Variants in ZNF219 observed in about 807,000 individuals in gnomAD.
ZNF219 encodes zinc finger protein 219.
ZNF219 carries 17 observed loss-of-function variants against 54.4 expected under a neutral mutation model. That is an observed-to-expected ratio of 0.31 (90% CI 0.21 to 0.47). The LOEUF (loss-of-function observed/expected upper bound fraction) is 0.47, where lower values mean the gene tolerates loss of function less well. Among genes scored for constraint, ZNF219 ranks in the 20% least tolerant of loss-of-function variants. The probability of loss-of-function intolerance (pLI) is 1.00; values close to 1 mark genes in which losing one functional copy is unlikely to be tolerated. For missense variants in ZNF219, 1,014 were observed against 1,062.3 expected (o/e 0.95, Z 0.63); for synonymous variants, 518 against 476.4 (o/e 1.09, Z -1.14).
At chr14:21,104,701 TTG>T (rs1889840799) in exon 1 of ZNF219, 1 of 152,252 alleles carries the variant, frequency 6.6e-6, no homozygotes, top group Admixed American at 6.5e-5. Context: ...TCTTTTCTGT[TTG>T]TGACACCTTG....
Position 21,090,667 on chromosome 14 carries a change from G to A in ZNF219, c.2038C>T (p.Gln680Ter). 1.2e-6 allele frequency: 2 copies of A among 1,612,276 alleles called. No homozygotes were observed. Among genetic ancestry groups the A allele is most frequent in the Non-Finnish European group, 1.7e-6 (2 of 1,179,766 alleles). Residue 680 changes from glutamine to a stop codon, truncating the protein, a stop_gained, in exon 5 of 5, where the codon CAG becomes TAG. Coordinates refer to ENST00000360947, the MANE Select transcript of ZNF219 (RefSeq NM_016423.3). LOFTEE classifies it high-confidence loss of function. The surrounding 1 kb of genome is among the most constrained non-coding windows in gnomAD (Gnocchi z 4.4). Reference sequence around the variant, plus strand: ...GCATAGGGCGGGGACGCGTCAGCCTGGGGTGGCCGGCGGCCCCTAGCCCGG... The same window carrying A: ...GCATAGGGCGGGGACGCGTCAGCCTAGGGTGGCCGGCGGCCCCTAGCCCGG... ...SRRARGRRPP[Q>*]ADASPPYARV...
upstream of ZNF219, chr14:21,098,929 G>C (rs745460237): frequency 6.4e-4 from 724 of 1,122,894 alleles, 1 homozygote; most frequent in Non-Finnish European, 8.1e-4. Flanking sequence ...TTTTGGGGGA[G>C]GAGGAGGGGC....
Position 21,090,446 on chromosome 14 carries a change from G to GC in ZNF219, c.*89dup. ...GGGGCTGGGATATGGGTCCCACGCT[G>GC]CCCCCTGCTGGCTTCTCTACCCAAC... On this transcript the variant is annotated 3_prime_UTR_variant, in exon 5 of 5. Transcript: ENST00000360947. This position sits in a 1 kb window ranked among gnomAD's most constrained non-coding sequence, Gnocchi z 4.4. 3 of 1,468,576 alleles carry GC rather than the reference G, an allele frequency of 2.0e-6. No homozygotes were observed. The highest frequency in any genetic ancestry group is 2.7e-6 in the Non-Finnish European group (3 of 1,094,162). The allele number at this position is 1,468,576 out of a possible 1,614,324, so 91.0% of individuals were successfully genotyped here.
In ZNF219 at chr14:21,098,407, G is replaced by A. The variant is rs887442190; in HGVS notation, c.-179C>T. Reference sequence around the variant, plus strand: ...CGGGCGTCAGCGTTACGTGGGGCCGGGGGAGATGCGCCGGGCCCCGGCCCC... The same window carrying A: ...CGGGCGTCAGCGTTACGTGGGGCCGAGGGAGATGCGCCGGGCCCCGGCCCC... On this transcript the variant is annotated 5_prime_UTR_variant, in exon 1 of 5. Coordinates refer to ENST00000360947, the MANE Select transcript of ZNF219 (RefSeq NM_016423.3). 5.4e-6 allele frequency: 3 copies of A among 553,330 alleles called. No individual in the cohort carries two copies. The highest frequency in any genetic ancestry group is 4.2e-5 in the African/African-American group (2 of 47,484). The allele number at this position is 553,330 out of a possible 1,614,324, so 34.3% of individuals were successfully genotyped here.
chr14:21,091,729 A>T, intron 3 of ZNF219, 136 bp downstream of exon 3: 1 of 1,422,400 alleles, frequency 7.0e-7, no homozygotes, highest in South Asian at 1.6e-5. Flanking sequence ...CCTCCAGGAA[A>T]ACAAAACAAA....
chr14:21,103,424 T>C (rs1889776797), upstream of ZNF219: 4 of 1,154,966 alleles, frequency 3.5e-6, no homozygotes, highest in Non-Finnish European at 4.7e-6. Flanking sequence ...GACGAGAATA[T>C]ATCCTCACCT....
In ZNF219 at chr14:21,092,589, G is replaced by C; in HGVS notation, c.708C>G (p.Pro236=). 1 of 1,542,806 alleles carries C rather than the reference G, an allele frequency of 6.5e-7. No homozygotes were observed. Among genetic ancestry groups the C allele is most frequent in the Non-Finnish European group, 8.7e-7 (1 of 1,146,012 alleles). Residue 236 remains proline, a synonymous_variant, in exon 3 of 5, where the codon CCC becomes CCG. Coordinates refer to ENST00000360947, the MANE Select transcript of ZNF219 (RefSeq NM_016423.3). ...GGGGGACTGATCTGGGTTCGGGCTG[G>C]GGTGGAGGCTGAGGCTGAGGCTGAG... ...PPPQPQPQPP[P]QPEPRSVPQP...
chr14:21,096,651 C>A (rs1180904182), intron 1 of ZNF219, among the ~76,000 whole-genome samples: 2 of 152,202 alleles, frequency 1.3e-5, no homozygotes, highest in Admixed American at 6.5e-5. Context: ...TATTTGGATT[C>A]TATAAGGATG....
chr14:21,103,825 C>G (rs1265431074), upstream of ZNF219: 1 of 155,846 alleles, frequency 6.4e-6, no homozygotes, highest in Admixed American at 6.3e-5. Context: ...CGGGGAGGAG[C>G]CGGGCGGGCG....
In ZNF219 at chr14:21,092,927, C is replaced by T; in HGVS notation, c.370G>A (p.Glu124Lys). ...SPAARLLLELEERALLREARL... is the reference protein window; with the variant it reads ...SPAARLLLELKERALLREARL... ...GCCTCGCGTAGTAGCGCGCGCTCTT[C>T]CAACTCCAGCAACAGGCGTGCAGCA... is the stretch of plus-strand genomic sequence containing the variant. The change falls in exon 3 of 5, where the codon GAA (glutamate) becomes AAA (lysine). Residue 124 changes from glutamate (E) to lysine (K), a missense_variant. Physicochemically the swap from Glu to Lys is moderately conservative, Grantham distance 56. Coordinates refer to ENST00000360947, the MANE Select transcript of ZNF219 (RefSeq NM_016423.3). 9 of 1,568,100 alleles carry T rather than the reference C, an allele frequency of 5.7e-6. No individual in the cohort carries two copies. Among genetic ancestry groups the T allele is most frequent in the Non-Finnish European group, 7.8e-6 (9 of 1,158,574 alleles).
intron 4 of ZNF219, 113 bp downstream of exon 4, chr14:21,091,298 C>T: frequency 6.6e-7 from 1 of 1,518,764 alleles, no homozygotes; most frequent in East Asian, 2.3e-5. Flanking sequence ...CAAGTGATCT[C>T]ATCCAGCCAA....
chr14:21,095,503 A>C lies in ZNF219; in HGVS notation c.-83-1829T>G, dbSNP rs192465923. On this transcript the variant is annotated intron_variant, in intron 1 of 4. Transcript: ENST00000360947. ...TCAGTAAAATAAGGGGATTGGACTAATTTATAGTGTTAGTCCCTTCCTGCT... is the reference window on the plus strand; with the variant it reads ...TCAGTAAAATAAGGGGATTGGACTACTTTATAGTGTTAGTCCCTTCCTGCT... Among the ~76,000 whole-genome samples, 99 of 152,322 alleles carry C rather than the reference A, an allele frequency of 6.5e-4. 2 individuals are homozygous for C. Among genetic ancestry groups the C allele is most frequent in the Admixed American group, 6.5e-3 (99 of 15,306 alleles).
chr14:21,094,726 T>TGGGGGG (rs10687101), intron 1 of ZNF219, among the ~76,000 whole-genome samples: 62 of 5,856 alleles, frequency 0.011, 1 homozygote, highest in East Asian at 0.015. Flanking sequence ...GGATAGGGGT[T>TGGGGGG]GGGGGGGGGG....
chr14:21,095,882 G>A (rs188253781), intron 1 of ZNF219, among the ~76,000 whole-genome samples: 1 of 152,268 alleles, frequency 6.6e-6, no homozygotes. Context: ...TAGCTATAAG[G>A]AGCATCCTGA....
rs1313870657 is a variant in ZNF219, at chr14:21,091,934, G to A, written c.1363C>T (p.Arg455Cys). 4 of 1,603,922 alleles carry A rather than the reference G, an allele frequency of 2.5e-6. No individual in the cohort carries two copies. Among genetic ancestry groups the A allele is most frequent in the Non-Finnish European group, 3.4e-6 (4 of 1,176,374 alleles). The change falls in exon 3 of 5, where the codon CGC becomes TGC. Residue 455 changes from arginine to cysteine, a missense_variant. Physicochemically the swap from Arg to Cys is radical, Grantham distance 180. Coordinates refer to ENST00000360947, the MANE Select transcript of ZNF219 (RefSeq NM_016423.3). The part of the protein sequence containing the change: ...SLGSLASLHP[R>C]PGEGPGHSAS... ...GAGTGCCCCGGTCCCTCACCCGGGCGCGGGTGCAGGGAAGCCAGAGAGCCC... is the reference window on the plus strand; with the variant it reads ...GAGTGCCCCGGTCCCTCACCCGGGCACGGGTGCAGGGAAGCCAGAGAGCCC...
chr14:21,102,442 T>C (rs1412715309), upstream of ZNF219: 3 of 1,551,508 alleles, frequency 1.9e-6, 1 homozygote, highest in East Asian at 4.9e-5. Flanking sequence ...TTCAACTTGA[T>C]CTTGGGTTTC....
rs1566545544 is a variant in ZNF219 at position 21,090,675 on chromosome 14, C to G, written c.2030G>C (p.Arg677Pro). 1.2e-6 allele frequency: 2 copies of G among 1,612,068 alleles called. No homozygotes were observed. Residue 677 changes from arginine (R) to proline (P), a missense_variant, in exon 5 of 5, where the codon CGG (arginine) becomes CCG (proline). By Grantham distance (103) the Arg-to-Pro change is moderately radical (BLOSUM62 -2). This residue lies in a region of ZNF219 where 281 missense variants were observed against 271.2 expected (regional missense o/e 1.04). Transcript: ENST00000360947. The surrounding 1 kb of genome is among the most constrained non-coding windows in gnomAD (Gnocchi z 4.4). Reference sequence around the variant, plus strand: ...CGGGGACGCGTCAGCCTGGGGTGGCCGGCGGCCCCTAGCCCGGCGGCTGTG... The same window carrying G: ...CGGGGACGCGTCAGCCTGGGGTGGCGGGCGGCCCCTAGCCCGGCGGCTGTG... ...VHHSRRARGR[R>P]PPQADASPPY... is the part of the protein sequence containing the mutation.
chr14:21,102,563 G>A, upstream of ZNF219: 1 of 1,551,604 alleles, frequency 6.4e-7, no homozygotes, highest in Non-Finnish European at 8.7e-7. Context: ...GGCAAGAGGA[G>A]GTGGGAAGGG....
At chr14:21,102,348 GA>G, upstream of ZNF219, 1 of 1,536,710 alleles carries the variant, frequency 6.5e-7, no homozygotes, top group Non-Finnish European at 8.8e-7. Flanking sequence ...TGCAAGTGGG[GA>G]TTGAGGTTGG....
Sources: allele counts gnomAD v4.1 joint callset (sites outside exome capture counted in the v4.1 genomes callset), GRCh38; gene constraint gnomAD v4.1.1; regional missense constraint gnomAD v4.1.1; non-coding constraint Gnocchi (gnomAD v3.1); transcripts MANE v1.5; gene names NCBI Gene and HGNC (gene_info 2026-07-23, HGNC 2026-07-21).